RNF220: variants seen among roughly 807,000 people sequenced by gnomAD.
The protein encoded by RNF220 is E3 ubiquitin-protein ligase RNF220.
Under a neutral mutation model 67.1 loss-of-function variants are expected in RNF220, and 7 were observed. The observed-to-expected ratio is 0.10, with a 90% confidence interval of 0.06 to 0.20. The LOEUF is 0.20. RNF220 is among the 10% of genes least tolerant of loss of function. RNF220 has a pLI of 1.00. For synonymous variants in RNF220, 270 were observed against 283.2 expected (o/e 0.95, Z 0.47); for missense variants, 565 against 740.3 (o/e 0.76, Z 2.75).
At chr1:44,608,411 G>GGTGA (rs1212094871) in intron 2 of RNF220, among the ~76,000 whole-genome samples, 1 of 152,178 alleles carries the variant, frequency 6.6e-6, no homozygotes, top group East Asian at 1.9e-4. Context: ...TCATTAGCTA[G>GGTGA]GTGAGTGGGT....
intron 2 of RNF220, among the ~76,000 whole-genome samples, chr1:44,531,487 C>T (rs373194826): frequency 6.6e-6 from 1 of 152,336 alleles, no homozygotes; most frequent in East Asian, 1.9e-4. Flanking sequence ...AAGCTCTTTG[C>T]CAGTTAACCC....
chr1:44,566,129 C>T, intron 2 of RNF220, among the ~76,000 whole-genome samples: 1 of 152,168 alleles, frequency 6.6e-6, no homozygotes, highest in East Asian at 1.9e-4. Context: ...CTTGCCCTTC[C>T]CCAGGGGCAG....
At chr1:44,575,825 A>C (rs1320385089) in intron 2 of RNF220, among the ~76,000 whole-genome samples, 1 of 152,238 alleles carries the variant, frequency 6.6e-6, no homozygotes, top group Non-Finnish European at 1.5e-5. Context: ...AGAAATCAGT[A>C]TATCAAAGGG....
chr1:44,635,334 C>T (rs2148482331), intron 6 of RNF220: 2 of 596,760 alleles, frequency 3.4e-6, no homozygotes, highest in East Asian at 5.7e-5. Flanking sequence ...TACTCACTGG[C>T]TTAGTTAGCA....
intron 2 of RNF220, among the ~76,000 whole-genome samples, chr1:44,569,979 C>G (rs1558053196): frequency 6.6e-6 from 1 of 152,140 alleles, no homozygotes; most frequent in Non-Finnish European, 1.5e-5. Flanking sequence ...ATCGGGCACC[C>G]TTGGGACCAT....
chr1:44,509,592 A>G (rs1019987095), intron 2 of RNF220, among the ~76,000 whole-genome samples: 5 of 151,422 alleles, frequency 3.3e-5, no homozygotes, highest in African/African-American at 1.2e-4. Flanking sequence ...GAAAAGAAAA[A>G]GAAAATACGC....
At chr1:44,537,185 A>G (rs961241461) in intron 2 of RNF220, among the ~76,000 whole-genome samples, 6 of 151,984 alleles carry the variant, frequency 3.9e-5, no homozygotes, top group Non-Finnish European at 8.8e-5. Flanking sequence ...ACACACACAC[A>G]AACACCTTTC....
rs527926629 is a variant in RNF220, at chr1:44,591,195, T to C, written c.626-22970T>C. 3.3e-5 allele frequency among the ~76,000 whole-genome samples: 5 copies of C among 152,296 alleles called. No individual in the cohort carries two copies. In the East Asian group the frequency reaches 9.6e-4, roughly 29 times the overall value. On this transcript the variant is annotated intron_variant, in intron 2 of 14. Coordinates refer to ENST00000361799, the MANE Select transcript of RNF220 (RefSeq NM_018150.4). ...CTCGAACTCCTGACCTCAGATGATCTGTCCACCTCCGCCTCCCAAAATGCT... is the reference window on the plus strand; with the variant it reads ...CTCGAACTCCTGACCTCAGATGATCCGTCCACCTCCGCCTCCCAAAATGCT...
chr1:44,501,881 A>T (rs911411815), intron 2 of RNF220, among the ~76,000 whole-genome samples: 5 of 152,102 alleles, frequency 3.3e-5, no homozygotes, highest in Admixed American at 1.3e-4. Flanking sequence ...AAAGAAGCAT[A>T]AAAATGTGGA....
At chr1:44,611,752 C>T (rs948965198) in intron 2 of RNF220, among the ~76,000 whole-genome samples, 5 of 152,126 alleles carry the variant, frequency 3.3e-5, no homozygotes, top group Non-Finnish European at 5.9e-5. Context: ...TTTGTGTTCT[C>T]CTCGAGGCCA....
At chr1:44,505,795 G>A (rs555198226) in intron 2 of RNF220, among the ~76,000 whole-genome samples, 34 of 152,266 alleles carry the variant, frequency 2.2e-4, no homozygotes, top group African/African-American at 7.7e-4. Flanking sequence ...AAATTGAAGG[G>A]CTGAGCATGA....
chr1:44,578,848 A>T (rs1311121794), intron 2 of RNF220, among the ~76,000 whole-genome samples: 1 of 152,186 alleles, frequency 6.6e-6, no homozygotes, highest in Non-Finnish European at 1.5e-5. Flanking sequence ...AACATTCTTT[A>T]TTCTGTTTTC....
chr1:44,439,093 G>T (rs772539587), intron 2 of RNF220, among the ~76,000 whole-genome samples: 1 of 152,128 alleles, frequency 6.6e-6, no homozygotes, highest in East Asian at 1.9e-4. Flanking sequence ...TTTGTCAAGC[G>T]TCTGATCATT....
chr1:44,632,483 C>A (rs538065128), intron 6 of RNF220, 98 bp downstream of exon 6: 13 of 1,216,230 alleles, frequency 1.1e-5, no homozygotes, highest in Middle Eastern at 2.7e-4. Flanking sequence ...CTCTTCGACT[C>A]TGGGGCCCGT....
chr1:44,488,521 C>T (rs1480619525), intron 2 of RNF220, among the ~76,000 whole-genome samples: 1 of 151,986 alleles, frequency 6.6e-6, no homozygotes, highest in Non-Finnish European at 1.5e-5. Flanking sequence ...TGCTGTGTTT[C>T]CCAGGCTGGT....
chr1:44,570,911 TA>T (rs1472809636), intron 2 of RNF220, among the ~76,000 whole-genome samples: 12 of 152,114 alleles, frequency 7.9e-5, no homozygotes, highest in Admixed American at 2.6e-4. Flanking sequence ...CTGTCTCTAC[TA>T]AAAATACAAA....
chr1:44,445,716 GCCTCAATCCCT>G (rs148850585), intron 2 of RNF220, among the ~76,000 whole-genome samples: 17,871 of 152,056 alleles, frequency 0.12, 1,246 homozygotes, highest in East Asian at 0.19. Context: ...TTCTTATCCC[GCCTCAATCCCT>G]CCATCTTGTA....
At chr1:44,580,487 T>A (rs962562697) in intron 2 of RNF220, among the ~76,000 whole-genome samples, 2 of 152,242 alleles carry the variant, frequency 1.3e-5, no homozygotes, top group East Asian at 3.8e-4. Flanking sequence ...AAACCTTTTC[T>A]GTCTGAGCCC....
intron 2 of RNF220, among the ~76,000 whole-genome samples, chr1:44,519,101 G>A (rs1430853965): frequency 6.9e-6 from 1 of 144,308 alleles, no homozygotes; most frequent in Admixed American, 6.9e-5. Flanking sequence ...AGGAAGAGCA[G>A]ATTTGTTGGC....
Sources: gnomAD v4.1 joint callset for allele counts (sites outside exome capture counted in the v4.1 genomes callset) on GRCh38, gnomAD v4.1.1 for gene constraint, MANE v1.5 for transcripts, NCBI Gene and HGNC (gene_info 2026-07-23, HGNC 2026-07-21) for gene names.